The following LHFPL3 variants were observed in gnomAD, a reference collection of about 807,000 sequenced individuals.
LHFPL3 encodes the protein LHFPL tetraspan subfamily member 3 protein.
Under a neutral mutation model 19.3 loss-of-function variants are expected in LHFPL3, and 5 were observed. That is an observed-to-expected ratio of 0.26 (90% CI 0.14 to 0.54). The LOEUF (loss-of-function observed/expected upper bound fraction) is 0.54, where lower values mean the gene tolerates loss of function less well. Ranked by LOEUF, LHFPL3 falls within the 20% of genes least tolerant of loss-of-function variation. LHFPL3 has a pLI of 0.94. For synonymous variants in LHFPL3, 133 were observed against 126.2 expected, an observed-to-expected ratio of 1.05 and a Z score of -0.36; for missense variants, 249 against 307.4, an observed-to-expected ratio of 0.81 and a Z score of 1.42.
At chr7:104,891,240 T>G (rs1792236556) in intron 2 of LHFPL3, among the ~76,000 whole-genome samples, 1 of 152,098 alleles carries the variant, frequency 6.6e-6, no homozygotes, top group African/African-American at 2.4e-5. Context: ...TCACAGCAGA[T>G]TCAGAGAGAC....
chr7:104,662,987 C>T (rs1343280762), intron 1 of LHFPL3, among the ~76,000 whole-genome samples: 1 of 152,124 alleles, frequency 6.6e-6, no homozygotes, highest in Non-Finnish European at 1.5e-5. Context: ...TACTTCAGAC[C>T]CAGTTCCTCA....
intron 1 of LHFPL3, among the ~76,000 whole-genome samples, chr7:104,333,394 C>T (rs550220301): frequency 7.9e-5 from 12 of 152,252 alleles, no homozygotes; most frequent in South Asian, 4.2e-4. Flanking sequence ...GATGGGACAC[C>T]TGATCCAGAT....
chr7:104,365,567 G>A (rs1309455657), intron 1 of LHFPL3, among the ~76,000 whole-genome samples: 3 of 150,528 alleles, frequency 2.0e-5, no homozygotes, highest in Non-Finnish European at 4.4e-5. Context: ...GGATCATGAG[G>A]TCAGGAGATC....
intron 1 of LHFPL3, among the ~76,000 whole-genome samples, chr7:104,508,628 A>G (rs1793748362): frequency 6.6e-6 from 1 of 151,340 alleles, no homozygotes; most frequent in Admixed American, 6.6e-5. Context: ...ATATATATAT[A>G]TACACATTAG....
chr7:104,890,648 CAAG>C (rs1792226744), intron 2 of LHFPL3, among the ~76,000 whole-genome samples: 1 of 152,216 alleles, frequency 6.6e-6, no homozygotes, highest in African/African-American at 2.4e-5. Context: ...CAACCGCTAA[CAAG>C]AAGAAAACTA....
chr7:104,405,050 T>G (rs774072201), intron 1 of LHFPL3, among the ~76,000 whole-genome samples: 8 of 152,228 alleles, frequency 5.3e-5, no homozygotes, highest in Non-Finnish European at 1.0e-4. Flanking sequence ...ACATGGGTTT[T>G]TAAGAAGTAT....
intron 2 of LHFPL3, among the ~76,000 whole-genome samples, chr7:104,788,002 T>C (rs971876157): frequency 1.3e-5 from 2 of 152,232 alleles, no homozygotes; most frequent in African/African-American, 4.8e-5. Flanking sequence ...GCAGTTATCT[T>C]TGTCGAGTTC....
Position 104,856,240 on chromosome 7 carries a change from ATTTTTTTTTTTTTTTT to A in LHFPL3, c.683-49934_683-49919del, listed in dbSNP as rs750683276. ...AGATCTCCTGATTCTGTCCCAGGAA[ATTTTTTTTTTTTTTTT>A]TTTTTTTTTTTTGAGACAGAGTCTT... On this transcript the variant is annotated intron_variant, in intron 2 of 2. Transcript: ENST00000424859. Among the ~76,000 whole-genome samples, 4 of 68,872 alleles carry A rather than the reference ATTTTTTTTTTTTTTTT, an allele frequency of 5.8e-5. 1 individual carries two copies. The highest frequency in any genetic ancestry group is 8.1e-4 in the East Asian group (2 of 2,464). The allele number at this position is 68,872 out of a possible 152,430, so 45.2% of individuals were successfully genotyped here.
chr7:104,542,906 T>G (rs564799905), intron 1 of LHFPL3, among the ~76,000 whole-genome samples: 1 of 152,236 alleles, frequency 6.6e-6, no homozygotes, highest in East Asian at 1.9e-4. Context: ...CCAACCCAAA[T>G]GCCCATCAGT....
chr7:104,377,306 T>A (rs1009428424), intron 1 of LHFPL3, among the ~76,000 whole-genome samples: 1 of 152,200 alleles, frequency 6.6e-6, no homozygotes, highest in African/African-American at 2.4e-5. Flanking sequence ...GAATACCTCT[T>A]GCAAAACAAA....
chr7:104,621,017 C>T (rs753839499), intron 1 of LHFPL3, among the ~76,000 whole-genome samples: 4 of 152,176 alleles, frequency 2.6e-5, no homozygotes, highest in Non-Finnish European at 5.9e-5. Flanking sequence ...TGGCTTTGTT[C>T]AGGCATTTGT....
intron 2 of LHFPL3, among the ~76,000 whole-genome samples, chr7:104,846,311 T>C (rs912551384): frequency 6.6e-6 from 1 of 152,252 alleles, no homozygotes; most frequent in Non-Finnish European, 1.5e-5. Flanking sequence ...GGGTTGGAAC[T>C]GCCTCTTGTT....
intron 1 of LHFPL3, among the ~76,000 whole-genome samples, chr7:104,347,077 A>G (rs1177301170): frequency 2.0e-5 from 3 of 151,700 alleles, no homozygotes; most frequent in Non-Finnish European, 4.4e-5. Flanking sequence ...AATAGTACCT[A>G]TCTCAGATCT....
chr7:104,833,049 T>TATATCTATTATATATAATAGAG (rs1791002402), intron 2 of LHFPL3, among the ~76,000 whole-genome samples: 1 of 32,432 alleles, frequency 3.1e-5, no homozygotes, highest in Admixed American at 5.3e-4. Flanking sequence ...ATATATTATA[T>TATATCTATTATATATAATAGAG]ATATATTATA....
Position 104,701,783 on chromosome 7 carries a change from T to A in LHFPL3, c.446-34892T>A, listed in dbSNP as rs116246200. Among the ~76,000 whole-genome samples the A allele has an allele frequency of 2.7e-3, 411 of 152,376 alleles. 1 individual carries two copies. Among genetic ancestry groups the A allele is most frequent in the African/African-American group, 9.5e-3 (395 of 41,594 alleles). ...TTTACTCATCCTACTCAGCATCTAA[T>A]GAATTATTTCAGTCGAAAAATTTGC... is the stretch of plus-strand genomic sequence containing the variant. On this transcript the variant is annotated intron_variant, in intron 1 of 2. Coordinates refer to ENST00000424859, the MANE Select transcript of LHFPL3 (RefSeq NM_199000.3).
At chr7:104,724,085 A>G (rs1793544523) in intron 1 of LHFPL3, among the ~76,000 whole-genome samples, 1 of 152,212 alleles carries the variant, frequency 6.6e-6, no homozygotes, top group Admixed American at 6.5e-5. Context: ...GCATTAGCCT[A>G]GGATCTTGCA....
At chr7:104,650,952 G>A (rs993678846) in intron 1 of LHFPL3, among the ~76,000 whole-genome samples, 1 of 152,216 alleles carries the variant, frequency 6.6e-6, no homozygotes, top group African/African-American at 2.4e-5. Context: ...ACTTGCTTCA[G>A]TTAGAGTCTA....
chr7:104,816,687 G>T (rs1217803998), intron 2 of LHFPL3, among the ~76,000 whole-genome samples: 1 of 152,182 alleles, frequency 6.6e-6, no homozygotes, highest in Non-Finnish European at 1.5e-5. Context: ...TGCTTTCAAA[G>T]GCACACAGTG....
intron 1 of LHFPL3, among the ~76,000 whole-genome samples, chr7:104,549,301 AAT>A (rs35759876): frequency 0.11 from 16,402 of 148,668 alleles, 1,403 homozygotes; most frequent in African/African-American, 0.24. Context: ...ACAATCTGAG[AAT>A]ATATATATAT....
Sources: gnomAD v4.1 joint callset for allele counts (sites outside exome capture counted in the v4.1 genomes callset) on GRCh38, gnomAD v4.1.1 for gene constraint, MANE v1.5 for transcripts, NCBI Gene and HGNC (gene_info 2026-07-23, HGNC 2026-07-21) for gene names.